DIS3L2: variants seen among roughly 807,000 people sequenced by gnomAD.
DIS3L2 encodes the protein DIS3 like 3'-5' exoribonuclease 2.
A neutral mutation model predicts 97.5 loss-of-function variants in DIS3L2; 34 were observed. That is an observed-to-expected ratio of 0.35 (90% confidence interval 0.27 to 0.46). DIS3L2 has a LOEUF of 0.46. Among genes scored for constraint, DIS3L2 ranks in the 20% least tolerant of loss-of-function variants. The probability of loss-of-function intolerance (pLI) is 1.00; values close to 1 mark genes in which losing one functional copy is unlikely to be tolerated. For synonymous variants in DIS3L2, 435 were observed against 445.2 expected, an observed-to-expected ratio of 0.98 and a Z score of 0.29; for missense variants, 1,038 against 1,146.0, an observed-to-expected ratio of 0.91 and a Z score of 1.36.
chr2:232,022,054 T>C (rs1694534070), intron 3 of DIS3L2, among the ~76,000 whole-genome samples: 1 of 152,148 alleles, frequency 6.6e-6, no homozygotes, highest in South Asian at 2.1e-4. Flanking sequence ...AATGAAAGCC[T>C]TGGACTTTTG....
At chr2:232,081,733 G>T (rs1208707993) in intron 5 of DIS3L2, among the ~76,000 whole-genome samples, 1 of 152,114 alleles carries the variant, frequency 6.6e-6, no homozygotes, top group African/African-American at 2.4e-5. Flanking sequence ...GGGTTGTCTT[G>T]TCCATTTCCT....
chr2:232,243,094 G>A (rs957785682), intron 11 of DIS3L2, among the ~76,000 whole-genome samples: 2 of 152,218 alleles, frequency 1.3e-5, no homozygotes, highest in African/African-American at 2.4e-5. Flanking sequence ...AGAGAGAGGG[G>A]TTGTATCTGC....
At chr2:232,132,789 G>T (rs1017977236) in intron 7 of DIS3L2, among the ~76,000 whole-genome samples, 3 of 152,058 alleles carry the variant, frequency 2.0e-5, no homozygotes, top group African/African-American at 7.2e-5. Flanking sequence ...GTATCTGAGT[G>T]GCTCCAACAA....
At chr2:232,270,579 C>G (rs1008425465) in intron 13 of DIS3L2, among the ~76,000 whole-genome samples, 90 of 152,174 alleles carry the variant, frequency 5.9e-4, no homozygotes, top group Non-Finnish European at 4.1e-4. Flanking sequence ...TTTGGTACTA[C>G]AAATAATAGT....
intron 10 of DIS3L2, 106 bp downstream of exon 10, chr2:232,210,511 G>C: frequency 9.5e-7 from 1 of 1,050,008 alleles, no homozygotes; most frequent in South Asian, 1.3e-5. Flanking sequence ...TGCAAGGCTA[G>C]GTTTGCTTCG....
rs138280904 is a variant in DIS3L2, at chr2:232,288,582, G to A, written c.1660-11458G>A. 7.9e-5 allele frequency among the ~76,000 whole-genome samples: 12 copies of A among 152,304 alleles called. No homozygotes were observed. The East Asian group carries it at 2.3e-3, about 29-fold the overall frequency. On this transcript the variant is annotated intron_variant, in intron 13 of 20. Transcript: ENST00000325385. ...CAGAGCTGCTGGCTCCCCGCTTGGGGTTATATAACTCCCCGACTCCTCAAG... is the reference window on the plus strand; with the variant it reads ...CAGAGCTGCTGGCTCCCCGCTTGGGATTATATAACTCCCCGACTCCTCAAG...
At chr2:232,068,044 A>G (rs907744581) in intron 5 of DIS3L2, among the ~76,000 whole-genome samples, 1 of 152,200 alleles carries the variant, frequency 6.6e-6, no homozygotes, top group Non-Finnish European at 1.5e-5. Flanking sequence ...CCTCAGAGCA[A>G]GAAGTAGTAT....
At chr2:231,972,740 T>C (rs116131486) in intron 1 of DIS3L2, among the ~76,000 whole-genome samples, 1,705 of 152,166 alleles carry the variant, frequency 0.011, 19 homozygotes, top group Non-Finnish European at 0.016. Context: ...GATGAGGTTT[T>C]ACCATGTTGC....
At chr2:232,123,070 A>T (rs1697956792) in intron 6 of DIS3L2, among the ~76,000 whole-genome samples, 2 of 152,112 alleles carry the variant, frequency 1.3e-5, no homozygotes, top group Non-Finnish European at 2.9e-5. Flanking sequence ...TCTATAACTG[A>T]ATTATAAAAT....
At chr2:232,256,331 C>A (rs1290877434) in intron 12 of DIS3L2, among the ~76,000 whole-genome samples, 1 of 152,222 alleles carries the variant, frequency 6.6e-6, no homozygotes, top group African/African-American at 2.4e-5. Context: ...CAGGCCCCCT[C>A]CCCAGCTCCA....
Position 232,292,961 on chromosome 2 carries a change from T to C in DIS3L2, c.1660-7079T>C, listed in dbSNP as rs373755435. On this transcript the variant is annotated intron_variant, in intron 13 of 20. Coordinates refer to ENST00000325385, the MANE Select transcript of DIS3L2 (RefSeq NM_152383.5). The surrounding 1 kb of genome is among the most constrained non-coding windows in gnomAD (Gnocchi z 4.4). The stretch of plus-strand genomic sequence containing the variant: ...GGGAAAGGATTGGGTAGTGGTGAGC[T>C]CTCCTGCTTGACATGGCAGCTGCCT... Among the ~76,000 whole-genome samples, 14 of 152,042 alleles carry C rather than the reference T, an allele frequency of 9.2e-5. No individual in the cohort carries two copies. The East Asian group carries it at 2.1e-3, about 23-fold the overall frequency.
intron 1 of DIS3L2, among the ~76,000 whole-genome samples, chr2:231,979,314 G>A (rs1287046883): frequency 6.6e-6 from 1 of 152,024 alleles, no homozygotes; most frequent in Non-Finnish European, 1.5e-5. Context: ...GAGTGTAGTA[G>A]CATGATCTCA....
chr2:232,130,561 A>G (rs1698185978), intron 6 of DIS3L2, 58 bp from the exon 7 acceptor site: 2 of 1,547,834 alleles, frequency 1.3e-6, no homozygotes, highest in Non-Finnish European at 1.7e-6. Flanking sequence ...TTAAAATCCC[A>G]CTAATTGATA....
chr2:232,342,481 TTAAAC>T (rs1696134102), intron 13 of DIS3L2, among the ~76,000 whole-genome samples: 5 of 152,054 alleles, frequency 3.3e-5, no homozygotes. Context: ...GTTTGATACT[TTAAAC>T]TACATTCACA....
In DIS3L2 at chr2:232,334,627, G is replaced by C. The variant is rs1466719461; in HGVS notation, c.2290-4G>C. ...GTGCCATGGCTGCAGCACTGTCCCTGCAGGAGAGTGGCCCCCTGGAGTCAG... is the reference window on the plus strand; with the variant it reads ...GTGCCATGGCTGCAGCACTGTCCCTCCAGGAGAGTGGCCCCCTGGAGTCAG... On this transcript the variant is annotated splice_polypyrimidine_tract_variant and splice_region_variant and intron_variant, in intron 18 of 20. Coordinates refer to ENST00000325385, the MANE Select transcript of DIS3L2 (RefSeq NM_152383.5). 13 of 1,605,852 alleles carry C rather than the reference G, an allele frequency of 8.1e-6. No homozygotes were observed. Among genetic ancestry groups the C allele is most frequent in the Non-Finnish European group, 1.1e-5 (13 of 1,176,532 alleles).
At chr2:232,183,431 T>C (rs73996915) in intron 9 of DIS3L2, among the ~76,000 whole-genome samples, 3,437 of 152,352 alleles carry the variant, frequency 0.023, 125 homozygotes, top group African/African-American at 0.078. Context: ...GACTAATACC[T>C]TTAATGCTTA....
At chr2:232,077,007 A>C (rs1459765881) in intron 5 of DIS3L2, among the ~76,000 whole-genome samples, 1 of 152,074 alleles carries the variant, frequency 6.6e-6, no homozygotes, top group Non-Finnish European at 1.5e-5. Flanking sequence ...TACCCAGCCT[A>C]CTTTTCCAGC....
chr2:232,016,689 C>T lies in DIS3L2; in HGVS notation c.210+1018C>T, dbSNP rs1227054204. ...CATAAACTATCAGGCAGGTAGTAGG[C>T]TGGGGAGGGAGGCAGGGCCACATAT... is the stretch of plus-strand genomic sequence containing the variant. On this transcript the variant is annotated intron_variant, in intron 3 of 20. Coordinates refer to ENST00000325385, the MANE Select transcript of DIS3L2 (RefSeq NM_152383.5). Among the ~76,000 whole-genome samples, 5 of 152,220 alleles carry T rather than the reference C, an allele frequency of 3.3e-5. No individual in the cohort carries two copies. In the East Asian group the frequency reaches 9.7e-4, roughly 29 times the overall value.
chr2:232,137,576 A>G (rs955143879), intron 8 of DIS3L2, among the ~76,000 whole-genome samples: 7 of 152,200 alleles, frequency 4.6e-5, no homozygotes, highest in Non-Finnish European at 8.8e-5. Context: ...GGAATGTCCT[A>G]TGGGTAGGAG....
Sources: gnomAD v4.1 joint callset for allele counts (sites outside exome capture counted in the v4.1 genomes callset) on GRCh38, gnomAD v4.1.1 for gene constraint, Gnocchi (gnomAD v3.1) non-coding constraint, MANE v1.5 for transcripts, NCBI Gene and HGNC (gene_info 2026-07-23, HGNC 2026-07-21) for gene names.